The following TET1 variants were observed in gnomAD, a reference collection of about 807,000 sequenced individuals.
TET1 encodes methylcytosine dioxygenase TET1.
A neutral mutation model predicts 148.7 loss-of-function variants in TET1; 13 were observed. The ratio of observed to expected loss-of-function variants is 0.09; its 90% confidence interval spans 0.06 to 0.14. TET1 has a LOEUF of 0.14. Among genes scored for constraint, TET1 ranks in the 10% least tolerant of loss-of-function variants. The probability of loss-of-function intolerance (pLI) is 1.00; values close to 1 mark genes in which losing one functional copy is unlikely to be tolerated. For missense variants in TET1, 2,182 were observed against 2,553.8 expected, an observed-to-expected ratio of 0.85 and a Z score of 3.14; for synonymous variants, 907 against 937.2, an observed-to-expected ratio of 0.97 and a Z score of 0.59.
Position 68,646,122 on chromosome 10 carries a change from A to G in TET1, c.3393A>G (p.Val1131=), listed in dbSNP as rs2054842060. 1 of 1,613,834 alleles carries G rather than the reference A, an allele frequency of 6.2e-7. No individual in the cohort carries two copies. The highest frequency in any genetic ancestry group is 1.3e-5 in the African/African-American group (1 of 74,908). ...TACAACAGAAACCACCTTCAAGTGTACACAATAATCATGGTTCATCATTAA... is the reference window on the plus strand; with the variant it reads ...TACAACAGAAACCACCTTCAAGTGTGCACAATAATCATGGTTCATCATTAA... ...GTIQQKPPSS[V]HNNHGSSLTK... is the part of the protein sequence containing the mutation. The change falls in exon 4 of 12, where the codon GTA becomes GTG. Residue 1131 remains valine, a synonymous_variant. Transcript: ENST00000373644.
intron 3 of TET1, among the ~76,000 whole-genome samples, chr10:68,617,414 C>G (rs2054309775): frequency 6.6e-6 from 1 of 152,128 alleles, no homozygotes; most frequent in Non-Finnish European, 1.5e-5. Flanking sequence ...TCTGCCTCAG[C>G]CTCCCAAAAT....
intron 3 of TET1, among the ~76,000 whole-genome samples, chr10:68,611,099 C>G (rs918448401): frequency 2.0e-5 from 3 of 151,980 alleles, no homozygotes; most frequent in African/African-American, 7.3e-5. Context: ...TCGAGACAGG[C>G]CTGGCCAGCA....
At chr10:68,683,263 CT>C (rs1048451296) in intron 10 of TET1, among the ~76,000 whole-genome samples, 1 of 151,456 alleles carries the variant, frequency 6.6e-6, no homozygotes. Flanking sequence ...GGCAGGAGTA[CT>C]TTTTTTTAAA....
chr10:68,567,310 C>T (rs750470299), intron 1 of TET1, among the ~76,000 whole-genome samples: 1 of 152,164 alleles, frequency 6.6e-6, no homozygotes, highest in Non-Finnish European at 1.5e-5. Flanking sequence ...GTGAGATCAT[C>T]TCTAGACATG....
chr10:68,634,840 C>T (rs1364512653), intron 3 of TET1, among the ~76,000 whole-genome samples: 1 of 152,170 alleles, frequency 6.6e-6, no homozygotes, highest in Non-Finnish European at 1.5e-5. Context: ...TAGCTCACTG[C>T]ATCCTCCGCC....
chr10:68,643,127 G>A (rs2054784197), intron 3 of TET1, among the ~76,000 whole-genome samples: 3 of 151,642 alleles, frequency 2.0e-5, no homozygotes, highest in Admixed American at 2.0e-4. Flanking sequence ...CAGGCATGGT[G>A]GTATGTGCCT....
intron 2 of TET1, among the ~76,000 whole-genome samples, chr10:68,590,119 C>CT (rs916791833): frequency 1.3e-5 from 2 of 151,962 alleles, no homozygotes; most frequent in South Asian, 2.1e-4. Context: ...TTTCTTTTTT[C>CT]TTTTTTTGTG....
At position 68,646,685 on chromosome 10, in the gene TET1, T is replaced by C. The variant is rs746552035; in HGVS notation, c.3956T>C (p.Ile1319Thr). The change falls in exon 4 of 12, where the codon ATA becomes ACA. Residue 1319 changes from isoleucine (I) to threonine (T), a missense_variant. Physicochemically the swap from Ile to Thr is moderately conservative, Grantham distance 89 (BLOSUM62 -1). Transcript: ENST00000373644. The stretch of plus-strand genomic sequence containing the variant: ...AACGTGATGGCAGGCGATGACCAAA[T>C]ACGGTTTCAGCAGGTTGTTAAGGAG... ...CANVMAGDDQ[I>T]RFQQVVKEQL... 7 of 1,613,938 alleles carry C rather than the reference T, an allele frequency of 4.3e-6. No homozygotes were observed. The Admixed American group carries it at 1.0e-4, about 23-fold the overall frequency.
chr10:68,661,904 G>A (rs970344827), intron 6 of TET1, among the ~76,000 whole-genome samples: 2 of 132,048 alleles, frequency 1.5e-5, no homozygotes, highest in African/African-American at 6.2e-5. Flanking sequence ...TTTGTGAGAT[G>A]GAGTTTCACT....
At chr10:68,639,008 T>C (rs1027358222) in intron 3 of TET1, among the ~76,000 whole-genome samples, 3 of 152,010 alleles carry the variant, frequency 2.0e-5, no homozygotes, top group Non-Finnish European at 4.4e-5. Flanking sequence ...TCAGGGTGGG[T>C]AGGATGGTCC....
intron 4 of TET1, among the ~76,000 whole-genome samples, chr10:68,647,702 T>C (rs950380410): frequency 1.3e-5 from 2 of 152,204 alleles, no homozygotes; most frequent in African/African-American, 2.4e-5. Flanking sequence ...TTTCATTATA[T>C]TTTTGTGTGT....
chr10:68,663,291 T>C (rs1000444409), intron 6 of TET1, among the ~76,000 whole-genome samples: 2 of 152,210 alleles, frequency 1.3e-5, no homozygotes, highest in Non-Finnish European at 2.9e-5. Context: ...TATTATGTTC[T>C]TCCAACTGAA....
intron 3 of TET1, among the ~76,000 whole-genome samples, chr10:68,603,425 T>C (rs146152177): frequency 3.3e-5 from 5 of 152,240 alleles, no homozygotes; most frequent in African/African-American, 9.6e-5. Flanking sequence ...TTGAATCCAG[T>C]TGTGGGGCTG....
intron 6 of TET1, among the ~76,000 whole-genome samples, chr10:68,661,882 T>TTTC (rs1490222992): frequency 7.4e-4 from 7 of 9,440 alleles, no homozygotes; most frequent in Admixed American, 5.6e-3. Context: ...TTTTTTTTCT[T>TTTC]TTTTTTTTTT....
At chr10:68,651,814 C>T (rs763600470) in intron 4 of TET1, 32 bp from the exon 5 acceptor site, 15 of 1,552,570 alleles carry the variant, frequency 9.7e-6, no homozygotes, top group East Asian at 9.0e-5. Flanking sequence ...TTCTGTAAAG[C>T]TTTGGGTCTA....
At chr10:68,672,505 A>AAAAC (rs2055287926) in intron 7 of TET1, among the ~76,000 whole-genome samples, 11 of 148,484 alleles carry the variant, frequency 7.4e-5, no homozygotes, top group African/African-American at 2.7e-4. Context: ...AAAAAAAAAA[A>AAAAC]AAAAAACACC....
rs1564973369 is a variant in TET1 at position 68,622,223 on chromosome 10, C to CCTTCCTTCCT, written c.1968+21189_1968+21190insCTTCCTTCCT. 1.8e-4 allele frequency among the ~76,000 whole-genome samples: 12 copies of CCTTCCTTCCT among 66,588 alleles called. 1 individual carries two copies. The highest frequency in any genetic ancestry group is 8.6e-4 in the African/African-American group (12 of 13,948). The allele number at this position is 66,588 out of a possible 152,430, so 43.7% of individuals were successfully genotyped here. ...CTTCCTTCCTTCCTTCCTTCCTTCC[C>CCTTCCTTCCT]TCCTTCCTCCCTTCCCTCCCTCCCT... On this transcript the variant is annotated intron_variant, in intron 3 of 11. Coordinates refer to ENST00000373644, the MANE Select transcript of TET1 (RefSeq NM_030625.3).
At chr10:68,635,092 G>A (rs919459185) in intron 3 of TET1, among the ~76,000 whole-genome samples, 3 of 147,360 alleles carry the variant, frequency 2.0e-5, no homozygotes, top group Non-Finnish European at 3.0e-5. Context: ...CATGCCTGGC[G>A]CAATATATAT....
chr10:68,691,735 C>CA lies in TET1; in HGVS notation c.6333dup (p.Leu2112IlefsTer4). On this transcript the variant is annotated frameshift_variant, in exon 12 of 12. Transcript: ENST00000373644. LOFTEE classifies it high-confidence loss of function. This position sits in a 1 kb window ranked among gnomAD's most constrained non-coding sequence, Gnocchi z 4.4. The stretch of plus-strand genomic sequence containing the variant: ...CAAATTCCTTCTCATAAAGCATTAA[C>CA]ATTAACCCATGACAATGTTGTCACC... The CA allele has an allele frequency of 1.2e-6, 2 of 1,614,122 alleles. No individual in the cohort carries two copies.
Sources: gnomAD v4.1 joint callset for allele counts (sites outside exome capture counted in the v4.1 genomes callset) on GRCh38, gnomAD v4.1.1 for gene constraint, Gnocchi (gnomAD v3.1) non-coding constraint, MANE v1.5 for transcripts, NCBI Gene and HGNC (gene_info 2026-07-23, HGNC 2026-07-21) for gene names.